Variants in TMEM50B observed in about 807,000 individuals in gnomAD.
TMEM50B encodes HCV p7-trans-regulated protein 3.
In TMEM50B, 14 loss-of-function variants were observed where a neutral mutation model predicts 23.4. That is an observed-to-expected ratio of 0.60 (90% CI 0.39 to 0.93). The LOEUF is 0.93. TMEM50B is among the 40% of genes least tolerant of loss of function. TMEM50B has a pLI of 0.00. For synonymous variants in TMEM50B, 64 were observed against 62.3 expected, an observed-to-expected ratio of 1.03 and a Z score of -0.13; for missense variants, 159 against 193.0, an observed-to-expected ratio of 0.82 and a Z score of 1.04.
rs1225653876 is a variant in TMEM50B at position 33,472,398 on chromosome 21, A to T, written c.-41-3472T>A. On this transcript the variant is annotated intron_variant, in intron 1 of 6. Transcript: ENST00000542230. ...TTCCATCTAAAAAATAAATAAATAA[A>T]TAATTAACTAAATGAACTTAATCGC... Among the ~76,000 whole-genome samples the T allele has an allele frequency of 3.9e-5, 6 of 152,148 alleles. No homozygotes were observed. The South Asian group carries it at 6.2e-4, about 16-fold the overall frequency.
At chr21:33,476,555 A>T (rs2084372643) in intron 1 of TMEM50B, among the ~76,000 whole-genome samples, 2 of 151,754 alleles carry the variant, frequency 1.3e-5, no homozygotes. Context: ...AGGTCAGGAG[A>T]TTGAGACCAT....
intron 5 of TMEM50B, among the ~76,000 whole-genome samples, chr21:33,457,586 G>C (rs1488469875): frequency 1.3e-5 from 2 of 150,928 alleles, no homozygotes; most frequent in African/African-American, 4.9e-5. Context: ...GGGAGGCAGA[G>C]GTTGCAGTGA....
rs1371683339 is a variant in TMEM50B, at chr21:33,450,947, G to C, written c.432-84C>G. 4 of 1,047,490 alleles carry C rather than the reference G, an allele frequency of 3.8e-6. No homozygotes were observed. In the African/African-American group the frequency reaches 6.4e-5, roughly 17 times the overall value. 64.9% of individuals were successfully genotyped at this position (1,047,490 alleles called of 1,614,324 possible). On this transcript the variant is annotated intron_variant, in intron 6 of 6. Transcript: ENST00000542230. ...TTCATTTTCTCAATATGCTTTGACA[G>C]GTACTTCACTGATTCCTATCAATTT...
intron 7 of TMEM50B, among the ~76,000 whole-genome samples, chr21:33,442,758 T>TA (rs2084018991): frequency 6.6e-6 from 1 of 152,010 alleles, no homozygotes; most frequent in Non-Finnish European, 1.5e-5. Flanking sequence ...CCGTCTCTAC[T>TA]AAAAATACAA....
intron 4 of TMEM50B, 73 bp from the exon 5 acceptor site, chr21:33,460,578 A>G (rs2084208594): frequency 2.5e-6 from 2 of 811,156 alleles, no homozygotes; most frequent in Non-Finnish European, 4.0e-6. Context: ...ACATAATACT[A>G]GGAGCCCTGT....
At chr21:33,461,314 G>C (rs1300227215) in intron 4 of TMEM50B, among the ~76,000 whole-genome samples, 1 of 152,184 alleles carries the variant, frequency 6.6e-6, no homozygotes, top group Non-Finnish European at 1.5e-5. Flanking sequence ...AGATAAGGAA[G>C]AAGCACTGAT....
At chr21:33,455,666 CTTAA>C in intron 6 of TMEM50B, 57 bp downstream of exon 6, 15 of 1,368,716 alleles carry the variant, frequency 1.1e-5, no homozygotes, top group Non-Finnish European at 1.6e-5. Context: ...TATATGCTGC[CTTAA>C]TTAAGTTGAC....
Position 33,465,384 on chromosome 21 carries a change from C to A in TMEM50B, c.238G>T (p.Val80Leu). 2 of 1,613,094 alleles carry A rather than the reference C, an allele frequency of 1.2e-6. No homozygotes were observed. The highest frequency in any genetic ancestry group is 1.7e-6 in the Non-Finnish European group (2 of 1,179,770). ...FMINAVSNAQ[V>L]RGDSYESGCL... ...CCGCTTTCATAGCTATCACCTCTCA[C>A]CTGAGCATTGGATACAGCATTTATC... The change falls in exon 4 of 7, where the codon GTG becomes TTG. Residue 80 changes from valine to leucine, a missense_variant. Coordinates refer to ENST00000542230, the MANE Select transcript of TMEM50B (RefSeq NM_006134.7).
At position 33,465,356 on chromosome 21, in the gene TMEM50B, C is replaced by A. The variant is rs753818202; in HGVS notation, c.266G>T (p.Cys89Phe). 1.9e-6 allele frequency: 3 copies of A among 1,613,082 alleles called. No individual in the cohort carries two copies. The highest frequency in any genetic ancestry group is 2.5e-6 in the Non-Finnish European group (3 of 1,179,716). ...QVRGDSYESGCLGRTGARVWL... is the reference protein window; with the variant it reads ...QVRGDSYESGFLGRTGARVWL... ...AGTATCTTTACCTGTTCTTCCTAAA[C>A]AGCCGCTTTCATAGCTATCACCTCT... The change falls in exon 4 of 7, where the codon TGT (cysteine) becomes TTT (phenylalanine). Residue 89 changes from cysteine (C) to phenylalanine (F), a missense_variant. Physicochemically the swap from Cys to Phe is radical, Grantham distance 205. Transcript: ENST00000542230.
At chr21:33,459,080 G>A (rs1036331190) in intron 5 of TMEM50B, among the ~76,000 whole-genome samples, 2 of 152,234 alleles carry the variant, frequency 1.3e-5, no homozygotes, top group Admixed American at 1.3e-4. Flanking sequence ...GATTCCAGAG[G>A]TAGAGGAGTC....
At chr21:33,473,284 C>T (rs949177379) in intron 1 of TMEM50B, among the ~76,000 whole-genome samples, 6 of 151,940 alleles carry the variant, frequency 3.9e-5, no homozygotes, top group Admixed American at 2.0e-4. Flanking sequence ...GAAACCCCAT[C>T]TCTAATAAAA....
At chr21:33,478,685 C>A in intron 1 of TMEM50B, 1 of 450,216 alleles carries the variant, frequency 2.2e-6, no homozygotes, top group Admixed American at 2.5e-5. Flanking sequence ...TTTTCCAGCG[C>A]GATAAATATT....
At chr21:33,455,941 G>A (rs183081902) in intron 5 of TMEM50B, 157 bp from the exon 6 acceptor site, 1 of 705,818 alleles carries the variant, frequency 1.4e-6, no homozygotes, top group Non-Finnish European at 2.6e-6. Context: ...AGAAGAAAAT[G>A]CCAATTTAAT....
chr21:33,474,635 C>T (rs985461795), intron 1 of TMEM50B, among the ~76,000 whole-genome samples: 1 of 144,892 alleles, frequency 6.9e-6, no homozygotes, highest in African/African-American at 2.6e-5. Context: ...CCAAGCTGGG[C>T]GTGGTGGTGG....
chr21:33,438,495 T>C (rs2083978631), intron 8 of TMEM50B, among the ~76,000 whole-genome samples: 1 of 151,924 alleles, frequency 6.6e-6, no homozygotes, highest in Non-Finnish European at 1.5e-5. Flanking sequence ...TCAAAGGATA[T>C]GTATTTAAAA....
At chr21:33,440,121 A>G (rs1212917261) in intron 7 of TMEM50B, among the ~76,000 whole-genome samples, 2 of 152,244 alleles carry the variant, frequency 1.3e-5, no homozygotes, top group Non-Finnish European at 2.9e-5. Context: ...ATCCGTTGAC[A>G]GGGCATAATC....
At chr21:33,440,164 G>GT (rs972917866) in intron 7 of TMEM50B, among the ~76,000 whole-genome samples, 6 of 152,210 alleles carry the variant, frequency 3.9e-5, no homozygotes, top group African/African-American at 1.4e-4. Flanking sequence ...CCCATTCCCT[G>GT]TTTTTGTAAA....
chr21:33,457,933 T>G (rs1043660867), intron 5 of TMEM50B, among the ~76,000 whole-genome samples: 4 of 152,042 alleles, frequency 2.6e-5, no homozygotes, highest in Non-Finnish European at 5.9e-5. Context: ...TGAATTTTAG[T>G]CAATCACAAA....
intron 6 of TMEM50B, among the ~76,000 whole-genome samples, chr21:33,454,321 T>C (rs1001060498): frequency 3.9e-5 from 6 of 152,140 alleles, no homozygotes; most frequent in African/African-American, 1.4e-4. Flanking sequence ...TATTTTGATA[T>C]GGAGTCTTGC....
Sources: gnomAD v4.1 joint callset for allele counts (sites outside exome capture counted in the v4.1 genomes callset) on GRCh38, gnomAD v4.1.1 for gene constraint, MANE v1.5 for transcripts, NCBI Gene and HGNC (gene_info 2026-07-23, HGNC 2026-07-21) for gene names.